ZNF254: variants seen among roughly 807,000 people sequenced by gnomAD.
The protein encoded by ZNF254 is zinc finger protein 254.
Under a neutral mutation model 12.4 loss-of-function variants are expected in ZNF254, and 10 were observed. That is an observed-to-expected ratio of 0.80 (90% confidence interval 0.50 to 1.36). The LOEUF (loss-of-function observed/expected upper bound fraction) is 1.36. ZNF254 is among the 40% of genes most tolerant of loss of function. ZNF254 has a pLI of 0.00. For synonymous variants in ZNF254, 305 were observed against 253.4 expected (o/e 1.20, Z -1.93); for missense variants, 996 against 763.9 (o/e 1.30, Z -3.58).
At chr19:24,098,581 C>G (rs1972808457) in intron 1 of ZNF254, 1 of 152,164 alleles carries the variant, frequency 6.6e-6, no homozygotes, top group Non-Finnish European at 1.5e-5. Context: ...CTGAGAGTAG[C>G]TATGCACTTT....
At chr19:24,110,820 A>G (rs2145848675) in intron 3 of ZNF254, among the ~76,000 whole-genome samples, 1 of 152,170 alleles carries the variant, frequency 6.6e-6, no homozygotes, top group East Asian at 1.9e-4. Context: ...AGTGGACATA[A>G]TATTCTCAAA....
At chr19:24,072,660 C>T (rs1971523772) in intron 2 of ZNF254, among the ~76,000 whole-genome samples, 1 of 152,210 alleles carries the variant, frequency 6.6e-6, no homozygotes, top group Non-Finnish European at 1.5e-5. Context: ...AAAATTGTGA[C>T]ATACCTCTGG....
chr19:24,058,846 ACCCAGAAAATGTAACT>A (rs1456720975), intron 2 of ZNF254, among the ~76,000 whole-genome samples: 2 of 152,144 alleles, frequency 1.3e-5, no homozygotes, highest in Non-Finnish European at 2.9e-5. Context: ...TGGGTCTAAA[ACCCAGAAAATGTAACT>A]CCCTTATTTA....
intron 1 of ZNF254, among the ~76,000 whole-genome samples, chr19:24,037,238 G>T (rs984673508): frequency 6.6e-6 from 1 of 152,066 alleles, no homozygotes; most frequent in South Asian, 2.1e-4. Flanking sequence ...CCTTTCTGAT[G>T]TGCACAGTGT....
Position 24,127,861 on chromosome 19 carries a change from AAG to A in ZNF254, c.1865_1866del (p.Arg622AsnfsTer18), listed in dbSNP as rs1568481294. On this transcript the variant is annotated frameshift_variant, in exon 4 of 4. Transcript: ENST00000357002. LOFTEE classifies it low-confidence loss of function (END_TRUNC). ...FFWSSTLTKHKRIHTGEQPYK... is the reference protein window; with the variant it reads ...FFWSSTLTKHXRIHTGEQPYK... ...CTGGTCCTCAACCCTAACTAAACAT[AAG>A]AGAATTCATACTGGAGAGCAACCCT... 4 of 1,613,470 alleles carry A rather than the reference AAG, an allele frequency of 2.5e-6. 1 individual carries two copies. Among genetic ancestry groups the A allele is most frequent in the South Asian group, 2.2e-5 (2 of 91,064 alleles).
At chr19:24,106,524 A>C in intron 2 of ZNF254, 24 bp from the exon 3 acceptor site, 1 of 1,548,484 alleles carries the variant, frequency 6.5e-7, no homozygotes, top group Non-Finnish European at 8.8e-7. Context: ...AGCAAGATTC[A>C]TTTAGTTATT....
chr19:24,106,858 A>G (rs1973373819), intron 3 of ZNF254: 1 of 434,820 alleles, frequency 2.3e-6, no homozygotes, highest in African/African-American at 2.0e-5. Flanking sequence ...ATCTTCCTCC[A>G]AGTTTACAGT....
chr19:24,070,322 G>A (rs1391634051), intron 2 of ZNF254, among the ~76,000 whole-genome samples: 1 of 152,206 alleles, frequency 6.6e-6, no homozygotes, highest in African/African-American at 2.4e-5. Flanking sequence ...AGGTGACATT[G>A]TGATGCTGGT....
intron 3 of ZNF254, among the ~76,000 whole-genome samples, chr19:24,108,599 A>C (rs1429875656): frequency 1.3e-5 from 2 of 152,180 alleles, no homozygotes; most frequent in African/African-American, 2.4e-5. Context: ...TGTAGCTGTC[A>C]TTACAGGTGT....
chr19:24,069,690 C>T (rs779966454), intron 2 of ZNF254, among the ~76,000 whole-genome samples: 118 of 148,788 alleles, frequency 7.9e-4, no homozygotes, highest in African/African-American at 2.6e-3. Flanking sequence ...GGCCGGCTCA[C>T]GCCTGTAATC....
At chr19:24,115,601 C>G (rs993109383) in intron 3 of ZNF254, among the ~76,000 whole-genome samples, 18 of 151,732 alleles carry the variant, frequency 1.2e-4, no homozygotes, top group Non-Finnish European at 1.9e-4. Flanking sequence ...GTGCAGCACA[C>G]CAGCATGGCA....
At chr19:24,052,957 T>A (rs533902352) in intron 2 of ZNF254, among the ~76,000 whole-genome samples, 2 of 152,312 alleles carry the variant, frequency 1.3e-5, no homozygotes, top group South Asian at 4.1e-4. Context: ...TGTCACATAC[T>A]GTGTAAAGTC....
At chr19:24,116,802 G>GT (rs577844486) in intron 3 of ZNF254, among the ~76,000 whole-genome samples, 1 of 152,072 alleles carries the variant, frequency 6.6e-6, no homozygotes, top group African/African-American at 2.4e-5. Context: ...TTTTTCTGCT[G>GT]TTTTTTCCCC....
rs200051477 is a variant in ZNF254 at position 24,055,513 on chromosome 19, G to C, written c.-94+9234G>C. On this transcript the variant is annotated intron_variant, in intron 2 of 4. Coordinates refer to the ZNF254 transcript ENST00000613065. ...AGGATGGTCTCAATCTCCTGACCTCGTGATCCACCTGCATCAGCCTCCCAA... is the reference window on the plus strand; with the variant it reads ...AGGATGGTCTCAATCTCCTGACCTCCTGATCCACCTGCATCAGCCTCCCAA... Among the ~76,000 whole-genome samples, 28 of 152,052 alleles carry C rather than the reference G, an allele frequency of 1.8e-4. No individual in the cohort carries two copies. The East Asian group carries it at 5.5e-3, about 30-fold the overall frequency.
At chr19:24,106,140 AT>A (rs1973329315) in intron 2 of ZNF254, 74 bp downstream of exon 2, 9 of 1,472,570 alleles carry the variant, frequency 6.1e-6, no homozygotes, top group Non-Finnish European at 8.1e-6. Context: ...TTTTCTGGTA[AT>A]TTACGCATTC....
intron 2 of ZNF254, among the ~76,000 whole-genome samples, chr19:24,067,598 C>G (rs554383315): frequency 1.3e-5 from 2 of 152,158 alleles, no homozygotes; most frequent in South Asian, 4.1e-4. Context: ...TTAAATATTT[C>G]TGGGTCTTTT....
intron 2 of ZNF254, among the ~76,000 whole-genome samples, chr19:24,059,187 T>TCCAGA (rs1970977522): frequency 1.3e-5 from 2 of 152,226 alleles, no homozygotes; most frequent in Admixed American, 1.3e-4. Context: ...ACAGAGGGCA[T>TCCAGA]TATGACATAT....
intron 2 of ZNF254, among the ~76,000 whole-genome samples, chr19:24,058,381 T>A (rs1158922933): frequency 1.3e-5 from 2 of 151,422 alleles, no homozygotes; most frequent in Non-Finnish European, 2.9e-5. Flanking sequence ...ATCCAGGTGA[T>A]GGGAGTTTTC....
rs1973745741 is a variant in ZNF254, at chr19:24,112,443, G to C, written c.253+5800G>C. 3.4e-5 allele frequency among the ~76,000 whole-genome samples: 5 copies of C among 147,680 alleles called. No individual in the cohort carries two copies. The South Asian group carries it at 1.1e-3, about 31-fold the overall frequency. The stretch of plus-strand genomic sequence containing the variant: ...GACTTGGTGATGCGGGCTCTTTTTT[G>C]GTTCCATATGAACTTTAAAGTAGTT... On this transcript the variant is annotated intron_variant, in intron 3 of 3. Coordinates refer to ENST00000357002, the MANE Select transcript of ZNF254 (RefSeq NM_203282.4).
Sources: allele counts gnomAD v4.1 joint callset (sites outside exome capture counted in the v4.1 genomes callset), GRCh38; gene constraint gnomAD v4.1.1; transcripts MANE v1.5; gene names NCBI Gene and HGNC (gene_info 2026-07-23, HGNC 2026-07-21).